The following ARHGAP15 variants were observed in gnomAD, a reference collection of about 807,000 sequenced individuals.
ARHGAP15 encodes the protein Rho GTPase activating protein 15.
A neutral mutation model predicts 63.7 loss-of-function variants in ARHGAP15; 51 were observed. The ratio of observed to expected loss-of-function variants is 0.80; its 90% CI spans 0.64 to 1.01. The LOEUF (loss-of-function observed/expected upper bound fraction) is 1.01. Ranked by LOEUF, ARHGAP15 falls within the 50% of genes least tolerant of loss-of-function variation. The probability of loss-of-function intolerance (pLI) is 0.00; values close to 1 mark genes in which losing one functional copy is unlikely to be tolerated. For missense variants in ARHGAP15, 560 were observed against 564.6 expected, an observed-to-expected ratio of 0.99 and a Z score of 0.08; for synonymous variants, 191 against 193.8, an observed-to-expected ratio of 0.99 and a Z score of 0.12.
intron 10 of ARHGAP15, among the ~76,000 whole-genome samples, chr2:143,554,468 G>A (rs1207476616): frequency 1.3e-4 from 20 of 152,014 alleles, no homozygotes; most frequent in Non-Finnish European, 2.6e-4. Context: ...TTTTAGAGAA[G>A]AATTTTAAAA....
intron 6 of ARHGAP15, among the ~76,000 whole-genome samples, chr2:143,279,386 G>T (rs530606591): frequency 6.6e-6 from 1 of 152,222 alleles, no homozygotes; most frequent in South Asian, 2.1e-4. Context: ...GCACTATCCT[G>T]CAAACTGGTA....
chr2:143,430,033 C>T (rs887626007), intron 6 of ARHGAP15, among the ~76,000 whole-genome samples: 1 of 152,056 alleles, frequency 6.6e-6, no homozygotes, highest in Non-Finnish European at 1.5e-5. Context: ...GTGGCTTGTT[C>T]CTCATACAAC....
chr2:143,380,096 G>T (rs1686998518), intron 6 of ARHGAP15, among the ~76,000 whole-genome samples: 1 of 152,098 alleles, frequency 6.6e-6, no homozygotes, highest in Non-Finnish European at 1.5e-5. Context: ...TCTAATTGGA[G>T]AATTGAGTAG....
At chr2:143,428,182 A>G (rs189846693) in intron 6 of ARHGAP15, among the ~76,000 whole-genome samples, 3 of 152,152 alleles carry the variant, frequency 2.0e-5, no homozygotes, top group African/African-American at 7.2e-5. Flanking sequence ...TGACATCTCA[A>G]ATGATTTGAA....
At chr2:143,602,622 C>A (rs1697818623) in intron 11 of ARHGAP15, among the ~76,000 whole-genome samples, 1 of 151,352 alleles carries the variant, frequency 6.6e-6, no homozygotes, top group Admixed American at 6.6e-5. Flanking sequence ...GGAGATAAGA[C>A]AGAAAATGGG....
At chr2:143,579,505 T>C (rs1455482798) in intron 11 of ARHGAP15, among the ~76,000 whole-genome samples, 1 of 152,198 alleles carries the variant, frequency 6.6e-6, no homozygotes, top group African/African-American at 2.4e-5. Context: ...GGATAAATGA[T>C]GCTCTTTGTT....
intron 6 of ARHGAP15, among the ~76,000 whole-genome samples, chr2:143,392,141 T>G (rs997230888): frequency 1.2e-4 from 18 of 152,306 alleles, no homozygotes; most frequent in African/African-American, 3.8e-4. Flanking sequence ...ATGATACAGT[T>G]CTTGTGAGAA....
chr2:143,601,099 TA>T lies in ARHGAP15; in HGVS notation c.1004-23031del, dbSNP rs375881482. 1.6e-3 allele frequency among the ~76,000 whole-genome samples: 248 copies of T among 152,274 alleles called. 1 individual carries two copies. Among genetic ancestry groups the T allele is most frequent in the African/African-American group, 5.6e-3 (232 of 41,566 alleles). ...GAACATGGATGGCGGTAGAAGTCCC[TA>T]AACTGGTCTTCATAGCTTAGAATAA... On this transcript the variant is annotated intron_variant, in intron 11 of 13. Coordinates refer to ENST00000295095, the MANE Select transcript of ARHGAP15 (RefSeq NM_018460.4).
intron 11 of ARHGAP15, 66 bp from the exon 12 acceptor site, chr2:143,624,067 A>G: frequency 6.4e-7 from 1 of 1,568,640 alleles, no homozygotes; most frequent in Non-Finnish European, 8.7e-7. Flanking sequence ...ACATTAACAT[A>G]ATAATTAGTG....
rs960925583 is a variant in ARHGAP15, at chr2:143,469,784, A to G, written c.704-17589A>G. On this transcript the variant is annotated intron_variant, in intron 8 of 13. Coordinates refer to ENST00000295095, the MANE Select transcript of ARHGAP15 (RefSeq NM_018460.4). The stretch of plus-strand genomic sequence containing the variant: ...ACTTTGGATAGATTGAGTGAAATAT[A>G]TTTTTAAAATTAATACTATTTCTTT... Among the ~76,000 whole-genome samples the G allele has an allele frequency of 1.2e-4, 18 of 152,212 alleles. 1 individual carries two copies. Among genetic ancestry groups the G allele is most frequent in the Admixed American group, 9.8e-4 (15 of 15,276 alleles).
intron 6 of ARHGAP15, among the ~76,000 whole-genome samples, chr2:143,303,530 G>A (rs570888196): frequency 7.8e-4 from 119 of 151,932 alleles, no homozygotes; most frequent in African/African-American, 2.8e-3. Context: ...GAAAAGCTAG[G>A]CAATACATTC....
At chr2:143,451,586 C>T (rs920363828) in intron 8 of ARHGAP15, among the ~76,000 whole-genome samples, 1 of 151,748 alleles carries the variant, frequency 6.6e-6, no homozygotes, top group Admixed American at 6.6e-5. Context: ...CAAAAGTAGA[C>T]ATATTTAAAT....
intron 6 of ARHGAP15, among the ~76,000 whole-genome samples, chr2:143,372,504 AATAAG>A (rs1401444601): frequency 1.3e-5 from 2 of 152,280 alleles, no homozygotes; most frequent in East Asian, 3.9e-4. Flanking sequence ...TAGAAAAAGA[AATAAG>A]ATATCACATT....
At chr2:143,458,737 A>G (rs1301659673) in intron 8 of ARHGAP15, among the ~76,000 whole-genome samples, 2 of 152,134 alleles carry the variant, frequency 1.3e-5, no homozygotes, top group East Asian at 3.8e-4. Flanking sequence ...GAACCATTAC[A>G]TTTTGCTTTG....
At chr2:143,602,877 A>G (rs968879068) in intron 11 of ARHGAP15, among the ~76,000 whole-genome samples, 1 of 152,134 alleles carries the variant, frequency 6.6e-6, no homozygotes, top group African/African-American at 2.4e-5. Flanking sequence ...AAATAACCAC[A>G]CAGACGGGGT....
chr2:143,517,986 C>G (rs1423889257), intron 9 of ARHGAP15, among the ~76,000 whole-genome samples: 3 of 152,106 alleles, frequency 2.0e-5, no homozygotes, highest in African/African-American at 7.2e-5. Flanking sequence ...ACAGTAGGGA[C>G]TTTGATTTCA....
chr2:143,538,130 T>G lies in ARHGAP15; in HGVS notation c.926-18278T>G, dbSNP rs572102322. Among the ~76,000 whole-genome samples, 174 of 152,294 alleles carry G rather than the reference T, an allele frequency of 1.1e-3. 1 individual carries two copies. Among genetic ancestry groups the G allele is most frequent in the African/African-American group, 4.0e-3 (168 of 41,552 alleles). On this transcript the variant is annotated intron_variant, in intron 10 of 13. Coordinates refer to ENST00000295095, the MANE Select transcript of ARHGAP15 (RefSeq NM_018460.4). The stretch of plus-strand genomic sequence containing the variant: ...AGTTGGATTCCTAGGTATTTTATTC[T>G]CTTTGAAGCAATTGTGAATGGGAGT...
intron 6 of ARHGAP15, among the ~76,000 whole-genome samples, chr2:143,384,514 A>G (rs1242437239): frequency 2.0e-5 from 3 of 152,054 alleles, no homozygotes; most frequent in African/African-American, 7.2e-5. Context: ...AAGCTTTACC[A>G]GCTAAAGAAA....
At chr2:143,617,425 TA>T (rs1432803375) in intron 11 of ARHGAP15, among the ~76,000 whole-genome samples, 4 of 152,270 alleles carry the variant, frequency 2.6e-5, no homozygotes, top group African/African-American at 7.2e-5. Context: ...GAGATTAAGG[TA>T]TCGGTAAGTT....
Sources: gnomAD v4.1 joint callset for allele counts (sites outside exome capture counted in the v4.1 genomes callset) on GRCh38, gnomAD v4.1.1 for gene constraint, MANE v1.5 for transcripts, NCBI Gene and HGNC (gene_info 2026-07-23, HGNC 2026-07-21) for gene names.